The following BICDL1 variants were observed in gnomAD, a reference collection of about 807,000 sequenced individuals.
The protein encoded by BICDL1 is BICD family like cargo adaptor 1.
A neutral mutation model predicts 76.8 loss-of-function variants in BICDL1; 20 were observed. The ratio of observed to expected loss-of-function variants is 0.26; its 90% CI spans 0.18 to 0.38. The LOEUF is 0.38. Ranked by LOEUF, BICDL1 falls within the 10% of genes least tolerant of loss-of-function variation. The pLI is 1.00. For missense variants in BICDL1, 700 were observed against 798.6 expected, an observed-to-expected ratio of 0.88 and a Z score of 1.49; for synonymous variants, 383 against 337.1, an observed-to-expected ratio of 1.14 and a Z score of -1.49.
chr12:120,087,477 C>T (rs1184327717), intron 8 of BICDL1, among the ~76,000 whole-genome samples: 1 of 152,190 alleles, frequency 6.6e-6, no homozygotes, highest in Non-Finnish European at 1.5e-5. Flanking sequence ...TTTTTCTGGC[C>T]GCACTTCGGT....
At chr12:120,022,846 TG>T (rs1209329826) in intron 2 of BICDL1, among the ~76,000 whole-genome samples, 3 of 152,174 alleles carry the variant, frequency 2.0e-5, no homozygotes, top group African/African-American at 7.2e-5. Context: ...GACATGGTAC[TG>T]TGAATCCAGT....
At position 120,072,576 on chromosome 12, in the gene BICDL1, T is replaced by C. The variant is rs746864589; in HGVS notation, c.1155T>C (p.Asn385=). ...ATCTGTGCTCACACCTTCGAGGCAA[T>C]GACAGTGCTGACTCAGCCGTCTCCA... The part of the protein sequence containing the change: ...VRYLCSHLRG[N]DSADSAVSTD... The change falls in exon 6 of 10, where the codon AAT becomes AAC. Residue 385 remains asparagine, a synonymous_variant. Coordinates refer to ENST00000548673, the MANE Select transcript of BICDL1 (RefSeq NM_001367886.1). The C allele has an allele frequency of 4.3e-6, 7 of 1,614,080 alleles. No homozygotes were observed. Among genetic ancestry groups the C allele is most frequent in the Admixed American group, 1.7e-5 (1 of 59,996 alleles).
chr12:119,989,828 C>T lies in BICDL1; in HGVS notation c.-41C>T. The T allele has an allele frequency of 9.0e-7, 1 of 1,110,770 alleles. No homozygotes were observed. Among genetic ancestry groups the T allele is most frequent in the South Asian group, 4.3e-5 (1 of 23,360 alleles). The allele number at this position is 1,110,770 out of a possible 1,614,324, so 68.8% of individuals were successfully genotyped here. A position where few individuals can be genotyped will look rare whatever the true frequency, so the allele number is the denominator to read the frequency against. On this transcript the variant is annotated 5_prime_UTR_variant, in exon 1 of 10. Transcript: ENST00000548673. Reference sequence around the variant, plus strand: ...CCTCCCCCCTGCAGCCTGGCGCGCGCGGGCCGGGCCGCACCGCTGCGGGCT... The same window carrying T: ...CCTCCCCCCTGCAGCCTGGCGCGCGTGGGCCGGGCCGCACCGCTGCGGGCT...
At chr12:120,057,904 C>T (rs1594178975) in intron 2 of BICDL1, among the ~76,000 whole-genome samples, 1 of 148,758 alleles carries the variant, frequency 6.7e-6, no homozygotes, top group African/African-American at 2.5e-5. Flanking sequence ...GATCTCGGCA[C>T]GCTGCAAGCT....
chr12:119,999,569 G>A (rs899367410), intron 2 of BICDL1, among the ~76,000 whole-genome samples: 2 of 152,142 alleles, frequency 1.3e-5, no homozygotes, highest in Non-Finnish European at 2.9e-5. Context: ...TCCACATTTA[G>A]TAAACATTCT....
Position 120,072,580 on chromosome 12 carries a change from A to T in BICDL1, c.1159A>T (p.Ser387Cys). 1.2e-6 allele frequency: 2 copies of T among 1,614,236 alleles called. No homozygotes were observed. Among genetic ancestry groups the T allele is most frequent in the Non-Finnish European group, 1.7e-6 (2 of 1,180,032 alleles). Reference sequence around the variant, plus strand: ...GTGCTCACACCTTCGAGGCAATGACAGTGCTGACTCAGCCGTCTCCACGGA... The same window carrying T: ...GTGCTCACACCTTCGAGGCAATGACTGTGCTGACTCAGCCGTCTCCACGGA... ...YLCSHLRGND[S>C]ADSAVSTDSS... Residue 387 changes from serine (S) to cysteine (C), a missense_variant, in exon 6 of 10, where the codon AGT (serine) becomes TGT (cysteine). Physicochemically the swap from Ser to Cys is moderately radical, Grantham distance 112 (BLOSUM62 -1). This residue lies in a region of BICDL1 where 455 missense variants were observed against 548.7 expected (regional missense o/e 0.83). Transcript: ENST00000548673.
chr12:120,007,804 T>A (rs1317999700), intron 2 of BICDL1, among the ~76,000 whole-genome samples: 1 of 152,220 alleles, frequency 6.6e-6, no homozygotes, highest in Non-Finnish European at 1.5e-5. Context: ...TAATACAGTG[T>A]CCATAAGTGT....
chr12:120,042,265 T>C (rs1362432992), intron 2 of BICDL1, among the ~76,000 whole-genome samples: 2 of 152,300 alleles, frequency 1.3e-5, no homozygotes, highest in East Asian at 3.9e-4. Context: ...TGAGGTATAT[T>C]TCAGCAGTAG....
At chr12:120,068,695 G>A (rs1284946377) in intron 4 of BICDL1, among the ~76,000 whole-genome samples, 2 of 152,174 alleles carry the variant, frequency 1.3e-5, no homozygotes, top group Non-Finnish European at 2.9e-5. Flanking sequence ...GCATGCCTGT[G>A]GTCCCAGCTA....
chr12:120,020,823 G>A (rs1952163903), intron 2 of BICDL1, among the ~76,000 whole-genome samples: 1 of 152,184 alleles, frequency 6.6e-6, no homozygotes, highest in Non-Finnish European at 1.5e-5. Flanking sequence ...CATGAATGGT[G>A]GGGACAACCA....
chr12:120,059,449 T>C (rs1953055661), intron 2 of BICDL1, among the ~76,000 whole-genome samples: 1 of 152,104 alleles, frequency 6.6e-6, no homozygotes. Flanking sequence ...CTAATTTTTG[T>C]ATTTTTAGTA....
intron 2 of BICDL1, among the ~76,000 whole-genome samples, chr12:120,023,325 A>G (rs1159808663): frequency 6.6e-6 from 1 of 152,234 alleles, no homozygotes; most frequent in South Asian, 2.1e-4. Flanking sequence ...TCTAAACAGT[A>G]CTTCTCTGGG....
intron 2 of BICDL1, among the ~76,000 whole-genome samples, chr12:120,039,229 G>A (rs1430920554): frequency 6.6e-6 from 1 of 152,000 alleles, no homozygotes; most frequent in Non-Finnish European, 1.5e-5. Flanking sequence ...CCTGGGAGGC[G>A]GAGGTTGCAG....
chr12:120,026,226 G>T (rs962713354), intron 2 of BICDL1, among the ~76,000 whole-genome samples: 1 of 152,094 alleles, frequency 6.6e-6, no homozygotes, highest in East Asian at 1.9e-4. Flanking sequence ...AATTTACATG[G>T]AAATGCATAT....
intron 9 of BICDL1, chr12:120,091,741 C>T (rs1231572466): frequency 3.0e-6 from 3 of 985,264 alleles, no homozygotes; most frequent in Non-Finnish European, 3.6e-6. Flanking sequence ...AGGAAGGCCC[C>T]TTTGTTTCAT....
chr12:119,999,125 CAA>C (rs1190422828), intron 2 of BICDL1, among the ~76,000 whole-genome samples: 9 of 148,394 alleles, frequency 6.1e-5, no homozygotes, highest in African/African-American at 1.0e-4. Context: ...ATATAGATGA[CAA>C]GAGCAATTCT....
At chr12:120,026,198 T>A (rs113624642) in intron 2 of BICDL1, among the ~76,000 whole-genome samples, 1 of 152,296 alleles carries the variant, frequency 6.6e-6, no homozygotes, top group South Asian at 2.1e-4. Flanking sequence ...ACAAGTGCAG[T>A]TCATCAATTT....
chr12:120,060,369 T>G (rs1286967800), intron 2 of BICDL1, among the ~76,000 whole-genome samples: 1 of 152,020 alleles, frequency 6.6e-6, no homozygotes, highest in Non-Finnish European at 1.5e-5. Flanking sequence ...GGTGAGGGAG[T>G]TGGCAGCCTA....
intron 8 of BICDL1, 24 bp downstream of exon 8, chr12:120,081,041 A>G (rs1873932373): frequency 2.5e-6 from 4 of 1,608,864 alleles, no homozygotes; most frequent in Non-Finnish European, 3.4e-6. Flanking sequence ...GCTTCACTTT[A>G]TTCTTAAGAT....
Sources: gnomAD v4.1 joint callset for allele counts (sites outside exome capture counted in the v4.1 genomes callset) on GRCh38, gnomAD v4.1.1 for gene constraint, gnomAD v4.1.1 regional missense constraint, MANE v1.5 for transcripts, NCBI Gene and HGNC (gene_info 2026-07-23, HGNC 2026-07-21) for gene names.